The following STT3B variants were observed in gnomAD, a reference collection of about 807,000 sequenced individuals.
STT3B encodes dolichyl-diphosphooligosaccharide--protein glycosyltransferase subunit STT3B.
Under a neutral mutation model 96.8 loss-of-function variants are expected in STT3B, and 29 were observed. The observed-to-expected ratio is 0.30, with a 90% confidence interval of 0.22 to 0.41. The LOEUF (loss-of-function observed/expected upper bound fraction) is 0.41, where lower values mean the gene tolerates loss of function less well. STT3B is among the 10% of genes least tolerant of loss of function. The pLI is 1.00. For missense variants in STT3B, 640 were observed against 1,022.3 expected (o/e 0.63, Z 5.10); for synonymous variants, 367 against 360.0 (o/e 1.02, Z -0.22).
intron 1 of STT3B, among the ~76,000 whole-genome samples, chr3:31,567,297 G>A (rs921360482): frequency 2.0e-5 from 3 of 152,192 alleles, no homozygotes; most frequent in Non-Finnish European, 4.4e-5. Flanking sequence ...ACTAATATTT[G>A]CTGTTCTTTT....
At chr3:31,568,859 C>T (rs1698072491) in intron 1 of STT3B, among the ~76,000 whole-genome samples, 1 of 152,112 alleles carries the variant, frequency 6.6e-6, no homozygotes, top group Admixed American at 6.5e-5. Flanking sequence ...CTTGTGACTT[C>T]CCCTTTTTAT....
chr3:31,614,009 C>T (rs1346148383), intron 5 of STT3B, among the ~76,000 whole-genome samples: 1 of 150,780 alleles, frequency 6.6e-6, no homozygotes, highest in Non-Finnish European at 1.5e-5. Context: ...CATCTCTTAT[C>T]ATATAGATTG....
At chr3:31,535,048 G>C (rs1575400550) in intron 1 of STT3B, among the ~76,000 whole-genome samples, 2 of 152,102 alleles carry the variant, frequency 1.3e-5, no homozygotes, top group Non-Finnish European at 2.9e-5. Context: ...TAAAATAGCA[G>C]AAATGCATGG....
chr3:31,535,214 T>A (rs1440813281), intron 1 of STT3B, among the ~76,000 whole-genome samples: 1 of 152,134 alleles, frequency 6.6e-6, no homozygotes, highest in African/African-American at 2.4e-5. Context: ...TCATTTTTCC[T>A]TAAGATTAGA....
chr3:31,543,376 TACTA>T (rs1697327060), intron 1 of STT3B, among the ~76,000 whole-genome samples: 2 of 152,348 alleles, frequency 1.3e-5, no homozygotes, highest in Admixed American at 1.3e-4. Flanking sequence ...AATAATAACT[TACTA>T]CTATTATTGT....
intron 1 of STT3B, among the ~76,000 whole-genome samples, chr3:31,545,874 AG>A (rs1255323119): frequency 4.0e-5 from 6 of 150,396 alleles, no homozygotes; most frequent in Non-Finnish European, 8.8e-5. Flanking sequence ...GTGTGGCCTA[AG>A]GCAATTCTTC....
chr3:31,596,916 A>G, intron 4 of STT3B, 53 bp downstream of exon 4: 1 of 1,307,728 alleles, frequency 7.6e-7, no homozygotes, highest in Non-Finnish European at 1.1e-6. Context: ...CTGGAGGTTA[A>G]AACAGTTCTT....
At chr3:31,570,832 G>T (rs1366647924) in intron 1 of STT3B, among the ~76,000 whole-genome samples, 2 of 152,134 alleles carry the variant, frequency 1.3e-5, no homozygotes, top group Non-Finnish European at 2.9e-5. Flanking sequence ...GGAGTAGGGG[G>T]ATTCTGGCTA....
chr3:31,602,064 C>T (rs1374928971), intron 5 of STT3B, among the ~76,000 whole-genome samples: 1 of 152,046 alleles, frequency 6.6e-6, no homozygotes, highest in Non-Finnish European at 1.5e-5. Context: ...TTCAAGACTG[C>T]AGTGTGCTGT....
chr3:31,603,312 G>A (rs1698975029), intron 5 of STT3B, among the ~76,000 whole-genome samples: 1 of 151,970 alleles, frequency 6.6e-6, no homozygotes. Flanking sequence ...TTCACATGTG[G>A]AAAAGGAGGC....
chr3:31,577,151 A>G (rs539900724), intron 2 of STT3B, among the ~76,000 whole-genome samples: 2 of 151,766 alleles, frequency 1.3e-5, no homozygotes, highest in Non-Finnish European at 2.9e-5. Flanking sequence ...ACCCAAAGAA[A>G]CTTCTGACTC....
At position 31,565,882 on chromosome 3, in the gene STT3B, A is replaced by G. The variant is rs145762584; in HGVS notation, c.315-10514A>G. On this transcript the variant is annotated intron_variant, in intron 1 of 15. Coordinates refer to ENST00000295770, the MANE Select transcript of STT3B (RefSeq NM_178862.3). The stretch of plus-strand genomic sequence containing the variant: ...TTTTATTTCCAAAGTAACTTTAGAA[A>G]GGGCATAAGCTTTAAGGTTCAAAGT... Among the ~76,000 whole-genome samples, 46 of 152,328 alleles carry G rather than the reference A, an allele frequency of 3.0e-4. 1 individual carries two copies. Among genetic ancestry groups the G allele is most frequent in the Middle Eastern group, 6.8e-3 (2 of 294 alleles).
At chr3:31,561,352 TAC>T (rs1697872867) in intron 1 of STT3B, among the ~76,000 whole-genome samples, 1 of 152,164 alleles carries the variant, frequency 6.6e-6, no homozygotes, top group Non-Finnish European at 1.5e-5. Flanking sequence ...GATATAGACT[TAC>T]AATGTGAAAT....
intron 6 of STT3B, 104 bp from the exon 7 acceptor site, chr3:31,616,825 G>C (rs1365038783): frequency 1.1e-6 from 1 of 905,084 alleles, no homozygotes; most frequent in African/African-American, 1.7e-5. Context: ...AGTAGTCTTT[G>C]ATATGAATGG....
chr3:31,604,975 G>A (rs1483302185), intron 5 of STT3B, among the ~76,000 whole-genome samples: 1 of 152,124 alleles, frequency 6.6e-6, no homozygotes, highest in African/African-American at 2.4e-5. Context: ...GATAATAATA[G>A]TTACCTTACA....
intron 1 of STT3B, among the ~76,000 whole-genome samples, chr3:31,539,068 A>T (rs1697167900): frequency 6.6e-6 from 1 of 152,114 alleles, no homozygotes; most frequent in Non-Finnish European, 1.5e-5. Context: ...CTTGCCAGGA[A>T]ATCTAACCAT....
intron 1 of STT3B, among the ~76,000 whole-genome samples, chr3:31,552,517 C>CT (rs140404963): frequency 9.9e-5 from 15 of 151,520 alleles, no homozygotes; most frequent in Admixed American, 2.0e-4. Flanking sequence ...GCTTTCTTAC[C>CT]TTTTTTTTTA....
At chr3:31,596,131 C>T (rs773293437) in intron 3 of STT3B, among the ~76,000 whole-genome samples, 4 of 152,116 alleles carry the variant, frequency 2.6e-5, no homozygotes, top group Admixed American at 6.5e-5. Flanking sequence ...TTTTCTCTTT[C>T]AGCCAATTGG....
At chr3:31,576,296 C>G in intron 1 of STT3B, 100 bp from the exon 2 acceptor site, 1 of 605,834 alleles carries the variant, frequency 1.7e-6, no homozygotes. Flanking sequence ...GATGAAAACG[C>G]TCTGAAAGAT....
Sources: allele counts gnomAD v4.1 joint callset (sites outside exome capture counted in the v4.1 genomes callset), GRCh38; gene constraint gnomAD v4.1.1; transcripts MANE v1.5; gene names NCBI Gene and HGNC (gene_info 2026-07-23, HGNC 2026-07-21).